PADI2: variants seen among roughly 807,000 people sequenced by gnomAD.
The protein encoded by PADI2 is protein-arginine deiminase type-2.
PADI2 carries 70 observed loss-of-function variants against 81.1 expected under a neutral mutation model. The observed-to-expected ratio is 0.86, with a 90% CI of 0.71 to 1.05. The LOEUF (loss-of-function observed/expected upper bound fraction) is 1.05. Ranked by LOEUF, PADI2 falls within the 50% of genes least tolerant of loss-of-function variation. The probability of loss-of-function intolerance (pLI) is 0.00; values close to 1 mark genes in which losing one functional copy is unlikely to be tolerated. For synonymous variants in PADI2, 338 were observed against 358.0 expected, an observed-to-expected ratio of 0.94 and a Z score of 0.63; for missense variants, 853 against 889.9, an observed-to-expected ratio of 0.96 and a Z score of 0.53.
chr1:17,098,636 G>A (rs1931030459), intron 3 of PADI2, among the ~76,000 whole-genome samples: 1 of 152,136 alleles, frequency 6.6e-6, no homozygotes, highest in African/African-American at 2.4e-5. Flanking sequence ...GTTACGAAAT[G>A]TGGGCATTTC....
Position 17,069,007 on chromosome 1 carries a change from C to T in PADI2, c.*37G>A. The T allele has an allele frequency of 6.8e-7, 1 of 1,476,540 alleles. No individual in the cohort carries two copies. Among genetic ancestry groups the T allele is most frequent in the South Asian group, 1.1e-5 (1 of 88,236 alleles). The allele number at this position is 1,476,540 out of a possible 1,614,324, so 91.5% of individuals were successfully genotyped here. On this transcript the variant is annotated 3_prime_UTR_variant, in exon 16 of 16. Coordinates refer to ENST00000375486, the MANE Select transcript of PADI2 (RefSeq NM_007365.3). ...GGCGTGTGAGGGAGGGTCTGGAGAA[C>T]TAAGCGAAGGAGGCAAACGCCAGGG...
intron 3 of PADI2, 83 bp from the exon 4 acceptor site, chr1:17,096,053 G>C: frequency 9.8e-7 from 1 of 1,024,004 alleles, no homozygotes; most frequent in Non-Finnish European, 1.5e-6. Flanking sequence ...TGGGATTTGG[G>C]TGCGTCTCAG....
chr1:17,079,493 C>T, intron 10 of PADI2, 78 bp from the exon 11 acceptor site: 1 of 1,250,996 alleles, frequency 8.0e-7, no homozygotes, highest in Non-Finnish European at 1.1e-6. Flanking sequence ...CCTCTTTTAT[C>T]ACCTTCAGTC....
intron 13 of PADI2, 55 bp from the exon 14 acceptor site, chr1:17,071,546 T>C (rs2078264809): frequency 7.1e-7 from 1 of 1,405,642 alleles, no homozygotes; most frequent in African/African-American, 1.4e-5. Context: ...AGGCTGAGTG[T>C]TCCCCTTTTG....
intron 13 of PADI2, among the ~76,000 whole-genome samples, chr1:17,072,354 G>A (rs3818042): frequency 0.49 from 74,775 of 152,082 alleles, 19,354 homozygotes; most frequent in Non-Finnish European, 0.59. Flanking sequence ...TCAGAAGGGA[G>A]GGTCCAGGTA....
chr1:17,079,179 T>A, intron 11 of PADI2, 85 bp downstream of exon 11: 1 of 1,212,328 alleles, frequency 8.2e-7, no homozygotes, highest in Non-Finnish European at 1.2e-6. Flanking sequence ...ACTTGCTCCA[T>A]GTGTGAGCAA....
At chr1:17,104,079 G>A (rs1483696663) in intron 2 of PADI2, among the ~76,000 whole-genome samples, 1 of 150,122 alleles carries the variant, frequency 6.7e-6, no homozygotes, top group African/African-American at 2.5e-5. Context: ...TCAGGAGATC[G>A]ACAGCATCCT....
chr1:17,104,623 C>T (rs1422164230), intron 2 of PADI2, among the ~76,000 whole-genome samples: 15 of 151,634 alleles, frequency 9.9e-5, no homozygotes, highest in African/African-American at 3.1e-4. Context: ...TTAGTAGAGA[C>T]AGGGTTTCAC....
chr1:17,073,909 C>T (rs547437762), intron 13 of PADI2, among the ~76,000 whole-genome samples: 6 of 152,310 alleles, frequency 3.9e-5, no homozygotes, highest in African/African-American at 1.4e-4. Context: ...ATGTGAATGT[C>T]TAAACGTAGA....
rs1402349263 is a variant in PADI2, at chr1:17,084,707, G to A, written c.835-5C>T. 1.9e-6 allele frequency: 3 copies of A among 1,544,580 alleles called. No individual in the cohort carries two copies. The African/African-American group carries it at 4.1e-5, about 21-fold the overall frequency. On this transcript the variant is annotated splice_region_variant and splice_polypyrimidine_tract_variant and intron_variant, in intron 7 of 15. Coordinates refer to ENST00000375486, the MANE Select transcript of PADI2 (RefSeq NM_007365.3). ...GATGGGAGTCAGGGGAATGTCCTGG[G>A]TGTGGGAGACAAGGCGTGGGGGATC...
intron 6 of PADI2, among the ~76,000 whole-genome samples, chr1:17,089,213 AT>A (rs1930586298): frequency 6.6e-6 from 1 of 152,158 alleles, no homozygotes; most frequent in African/African-American, 2.4e-5. Context: ...AGGTGGAAAA[AT>A]TCAGATACTG....
At position 17,115,365 on chromosome 1, in the gene PADI2, T is replaced by C. The variant is rs1030961459; in HGVS notation, c.92+3915A>G. ...CAATGTTAAGATCATTCCAGTGTCC[T>C]GAAGCTCCTGCAGACCTCAGGATCT... is the stretch of plus-strand genomic sequence containing the variant. On this transcript the variant is annotated intron_variant, in intron 1 of 15. Coordinates refer to ENST00000375486, the MANE Select transcript of PADI2 (RefSeq NM_007365.3). The surrounding 1 kb of genome is among the most constrained non-coding windows in gnomAD (Gnocchi z 4.1). 2.0e-5 allele frequency among the ~76,000 whole-genome samples: 3 copies of C among 152,228 alleles called. No individual in the cohort carries two copies. Among genetic ancestry groups the C allele is most frequent in the Non-Finnish European group, 4.4e-5 (3 of 68,038 alleles).
intron 1 of PADI2, among the ~76,000 whole-genome samples, chr1:17,118,721 G>A (rs1167114247): frequency 6.6e-6 from 1 of 152,230 alleles, no homozygotes; most frequent in Non-Finnish European, 1.5e-5. Flanking sequence ...CAGGGCCAGT[G>A]CCTGGGGACA....
chr1:17,106,640 G>A (rs189411291), intron 1 of PADI2, among the ~76,000 whole-genome samples: 7 of 151,894 alleles, frequency 4.6e-5, no homozygotes, highest in African/African-American at 1.4e-4. Context: ...ATGGGGTTTC[G>A]CCATGTTGGC....
chr1:17,099,177 G>C (rs1335791491), intron 3 of PADI2, among the ~76,000 whole-genome samples: 2 of 152,192 alleles, frequency 1.3e-5, no homozygotes, highest in East Asian at 3.9e-4. Context: ...CCAGAGAGTG[G>C]CAGGGTGCCT....
intron 1 of PADI2, among the ~76,000 whole-genome samples, chr1:17,106,639 C>T (rs377219579): frequency 4.6e-5 from 7 of 151,992 alleles, no homozygotes; most frequent in South Asian, 2.1e-4. Context: ...GATGGGGTTT[C>T]GCCATGTTGG....
chr1:17,095,869 C>G, intron 4 of PADI2, 40 bp downstream of exon 4: 1 of 1,546,900 alleles, frequency 6.5e-7, no homozygotes, highest in Non-Finnish European at 8.9e-7. Context: ...CCCTCGGAAG[C>G]CCTGGGTTCA....
At chr1:17,089,001 A>G (rs1038927508) in intron 6 of PADI2, among the ~76,000 whole-genome samples, 10 of 151,838 alleles carry the variant, frequency 6.6e-5, no homozygotes, top group Non-Finnish European at 1.5e-4. Flanking sequence ...GGAGATAATG[A>G]TACCCACGCC....
At chr1:17,079,044 G>C (rs2078324434) in intron 11 of PADI2, 2 of 412,912 alleles carry the variant, frequency 4.8e-6, no homozygotes, top group Non-Finnish European at 8.8e-6. Context: ...TTGGGGAAAA[G>C]AGTTGTTTAT....
Sources: gnomAD v4.1 joint callset for allele counts (sites outside exome capture counted in the v4.1 genomes callset) on GRCh38, gnomAD v4.1.1 for gene constraint, Gnocchi (gnomAD v3.1) non-coding constraint, MANE v1.5 for transcripts, NCBI Gene and HGNC (gene_info 2026-07-23, HGNC 2026-07-21) for gene names.